Variants in CLIC5 observed in about 807,000 individuals in gnomAD.
CLIC5 encodes the protein CLIC family member 5, also known as chloride intracellular channel protein 5.
A neutral mutation model predicts 24.7 loss-of-function variants in CLIC5; 20 were observed. The observed-to-expected ratio is 0.81, with a 90% CI of 0.57 to 1.18. The LOEUF (loss-of-function observed/expected upper bound fraction) is 1.18, where lower values mean the gene tolerates loss of function less well. CLIC5 is among the 50% of genes most tolerant of loss of function. The pLI, the probability that CLIC5 is intolerant of heterozygous loss-of-function variation, is 0.00. For missense variants in CLIC5, 341 were observed against 326.1 expected (o/e 1.05, Z -0.35); for synonymous variants, 159 against 135.6 (o/e 1.17, Z -1.20).
At chr6:46,115,074 G>A in the CLIC5 span, among the ~76,000 whole-genome samples, 19 of 152,280 alleles carry the variant, frequency 1.2e-4, no homozygotes, top group African/African-American at 4.3e-4. Context: ...CCTGGAGACC[G>A]GACCATAGTA....
At chr6:45,975,982 G>A (rs889690429) in intron 1 of CLIC5, among the ~76,000 whole-genome samples, 3 of 152,140 alleles carry the variant, frequency 2.0e-5, no homozygotes, top group African/African-American at 7.2e-5. Context: ...CACCAGACTG[G>A]GAATCAGAAA....
chr6:45,994,378 A>T (rs1476796828), intron 1 of CLIC5, among the ~76,000 whole-genome samples: 1 of 152,188 alleles, frequency 6.6e-6, no homozygotes, highest in East Asian at 1.9e-4. Flanking sequence ...TCCTCAGCAA[A>T]CTAACACGGG....
chr6:45,976,478 T>C (rs2127409300), intron 1 of CLIC5, among the ~76,000 whole-genome samples: 1 of 152,290 alleles, frequency 6.6e-6, no homozygotes, highest in South Asian at 2.1e-4. Flanking sequence ...TCTATGTACA[T>C]GCATTTCTAC....
At chr6:46,025,561 G>T (rs570229401) in intron 1 of CLIC5, among the ~76,000 whole-genome samples, 1 of 152,290 alleles carries the variant, frequency 6.6e-6, no homozygotes, top group East Asian at 1.9e-4. Flanking sequence ...TTACTAATGT[G>T]TTTAAGTGAA....
chr6:46,093,191 C>T, the CLIC5 span, among the ~76,000 whole-genome samples: 2 of 152,158 alleles, frequency 1.3e-5, no homozygotes. Flanking sequence ...TCAGGCATCA[C>T]ATTATATTTA....
At chr6:45,990,226 A>T (rs973179701) in intron 1 of CLIC5, among the ~76,000 whole-genome samples, 3 of 152,206 alleles carry the variant, frequency 2.0e-5, no homozygotes, top group African/African-American at 7.2e-5. Context: ...TTTTGCACTC[A>T]TCTGAATGCT....
chr6:45,924,801 A>T (rs528924123), intron 4 of CLIC5, among the ~76,000 whole-genome samples: 1 of 152,146 alleles, frequency 6.6e-6, no homozygotes, highest in Non-Finnish European at 1.5e-5. Context: ...AATGTGCCCT[A>T]TCAAAAATAC....
At chr6:46,075,896 C>G (rs1012723124) in intron 1 of CLIC5, among the ~76,000 whole-genome samples, 5 of 152,134 alleles carry the variant, frequency 3.3e-5, no homozygotes, top group Non-Finnish European at 5.9e-5. Flanking sequence ...TCAACCATGG[C>G]TCTTTATTTT....
chr6:45,966,767 C>G (rs1438699003), intron 1 of CLIC5, among the ~76,000 whole-genome samples: 1 of 152,204 alleles, frequency 6.6e-6, no homozygotes, highest in Non-Finnish European at 1.5e-5. Flanking sequence ...TGCACAGGCC[C>G]TGAAAGAAGT....
chr6:46,028,030 G>T (rs764369619), intron 1 of CLIC5, among the ~76,000 whole-genome samples: 12 of 152,090 alleles, frequency 7.9e-5, no homozygotes, highest in Non-Finnish European at 1.5e-4. Flanking sequence ...AGACTCAGTC[G>T]TTTATCCCCC....
At chr6:46,061,209 T>C (rs1762261925) in intron 1 of CLIC5, among the ~76,000 whole-genome samples, 1 of 149,648 alleles carries the variant, frequency 6.7e-6, no homozygotes, top group Non-Finnish European at 1.5e-5. Context: ...TTGTTTGTTT[T>C]AGACGGAGTC....
rs572708232 is a variant in CLIC5, at chr6:46,062,366, G to C, written c.540+17337C>G. Reference sequence around the variant, plus strand: ...TCTTACCACCTTGCATGTTTACTTTGTGGTTGTTATCACTGAAACCTCAGA... The same window carrying C: ...TCTTACCACCTTGCATGTTTACTTTCTGGTTGTTATCACTGAAACCTCAGA... On this transcript the variant is annotated intron_variant, in intron 1 of 5. Coordinates refer to the CLIC5 transcript ENST00000185206. 3.9e-5 allele frequency among the ~76,000 whole-genome samples: 6 copies of C among 152,306 alleles called. No homozygotes were observed. In the South Asian group the frequency reaches 1.2e-3, roughly 32 times the overall value.
Position 45,903,095 on chromosome 6 carries a change from C to A in CLIC5, c.749G>T (p.Arg250Leu). Residue 250 changes from arginine to leucine, a missense_variant, in exon 6 of 6, where the codon CGA becomes CTA. Physicochemically the swap from Arg to Leu is moderately radical, Grantham distance 102. Coordinates refer to ENST00000339561, the MANE Select transcript of CLIC5 (RefSeq NM_016929.5). The part of the protein sequence containing the change: ...AYADVAKRLS[R>L]S Reference sequence around the variant, plus strand: ...GGGGCAAAATGGCTGTGCTCAGGATCGGCTGAGGCGTTTGGCGACATCAGC... The same window carrying A: ...GGGGCAAAATGGCTGTGCTCAGGATAGGCTGAGGCGTTTGGCGACATCAGC... 1 of 1,614,092 alleles carries A rather than the reference C, an allele frequency of 6.2e-7. No individual in the cohort carries two copies. The highest frequency in any genetic ancestry group is 2.2e-5 in the East Asian group (1 of 44,862).
intron 4 of CLIC5, among the ~76,000 whole-genome samples, chr6:45,934,017 C>T (rs140718562): frequency 1.1e-3 from 165 of 152,302 alleles, no homozygotes; most frequent in Non-Finnish European, 1.2e-3. Flanking sequence ...ATGGAAACCA[C>T]AGCTCCTCCG....
chr6:45,942,485 A>G (rs1366309182), intron 3 of CLIC5, among the ~76,000 whole-genome samples: 1 of 152,228 alleles, frequency 6.6e-6, no homozygotes, highest in Non-Finnish European at 1.5e-5. Context: ...ATATTATTTC[A>G]TAAGCATTTT....
chr6:46,054,541 G>T (rs986016003), intron 1 of CLIC5, among the ~76,000 whole-genome samples: 6 of 152,152 alleles, frequency 3.9e-5, no homozygotes, highest in African/African-American at 9.6e-5. Context: ...TTCCCACCTC[G>T]ATGCCTTTTA....
At chr6:46,001,178 G>C (rs1487090101) in intron 1 of CLIC5, among the ~76,000 whole-genome samples, 1 of 152,176 alleles carries the variant, frequency 6.6e-6, no homozygotes, top group Admixed American at 6.5e-5. Flanking sequence ...AACCAGAAGA[G>C]ATAGTCCATG....
chr6:46,109,907 T>G, the CLIC5 span, among the ~76,000 whole-genome samples: 1 of 145,050 alleles, frequency 6.9e-6, no homozygotes, highest in Non-Finnish European at 1.6e-5. Flanking sequence ...GTCCAGGGTC[T>G]AAAACCCCTT....
intron 6 of CLIC5, among the ~76,000 whole-genome samples, chr6:45,891,887 T>A (rs1450785342): frequency 1.3e-5 from 2 of 152,234 alleles, no homozygotes; most frequent in Non-Finnish European, 2.9e-5. Flanking sequence ...AACTGTACGA[T>A]GAAGATTATA....
Sources: gnomAD v4.1 joint callset for allele counts (sites outside exome capture counted in the v4.1 genomes callset) on GRCh38, gnomAD v4.1.1 for gene constraint, MANE v1.5 for transcripts, NCBI Gene and HGNC (gene_info 2026-07-23, HGNC 2026-07-21) for gene names.